The following ACSF3 variants were observed in gnomAD, a reference collection of about 807,000 sequenced individuals.
ACSF3 encodes the protein malonate--CoA ligase ACSF3, mitochondrial.
ACSF3 carries 78 observed loss-of-function variants against 53.2 expected under a neutral mutation model. The observed-to-expected ratio is 1.47, with a 90% CI of 1.22 to 1.77. The LOEUF (loss-of-function observed/expected upper bound fraction) is 1.77, where lower values mean the gene tolerates loss of function less well. Ranked by LOEUF, ACSF3 falls within the 40% of genes most tolerant of loss-of-function variation. The pLI is 0.00. For synonymous variants in ACSF3, 414 were observed against 333.1 expected (o/e 1.24, Z -2.65); for missense variants, 937 against 771.1 (o/e 1.22, Z -2.55).
At position 89,154,912 on chromosome 16, in the gene ACSF3, T is replaced by C. The variant is rs534861834; in HGVS notation, c.*705T>C. ...GCCTCACCCCCCAGCGCAGGGACTTTCCAGGTCATCTCCACACCAGCCCCT... is the reference window on the plus strand; with the variant it reads ...GCCTCACCCCCCAGCGCAGGGACTTCCCAGGTCATCTCCACACCAGCCCCT... On this transcript the variant is annotated 3_prime_UTR_variant, in exon 11 of 11. Coordinates refer to ENST00000614302, the MANE Select transcript of ACSF3 (RefSeq NM_001243279.3). 18 of 454,056 alleles carry C rather than the reference T, an allele frequency of 4.0e-5. No homozygotes were observed. The highest frequency in any genetic ancestry group is 3.1e-4 in the Admixed American group (13 of 42,572). The allele number at this position is 454,056 out of a possible 1,614,324, so 28.1% of individuals were successfully genotyped here.
intron 8 of ACSF3, among the ~76,000 whole-genome samples, chr16:89,144,100 C>CAA (rs1912420628): frequency 6.6e-6 from 1 of 152,264 alleles, no homozygotes; most frequent in Non-Finnish European, 1.5e-5. Context: ...CAGCTGCACA[C>CAA]ACGCTCGCAG....
intron 8 of ACSF3, among the ~76,000 whole-genome samples, chr16:89,141,908 TC>T (rs35768442): frequency 6.6e-6 from 1 of 152,138 alleles, no homozygotes; most frequent in Non-Finnish European, 1.5e-5. Context: ...CTCAGAATCA[TC>T]CCCGAGACAG....
chr16:89,113,624 C>T (rs979914205), intron 5 of ACSF3: 13 of 154,768 alleles, frequency 8.4e-5, no homozygotes, highest in Non-Finnish European at 1.3e-4. Context: ...GTGGTGCCTC[C>T]TCGTAAAGCA....
intron 7 of ACSF3, among the ~76,000 whole-genome samples, chr16:89,132,745 G>A (rs1213354071): frequency 6.6e-6 from 1 of 152,244 alleles, no homozygotes; most frequent in Non-Finnish European, 1.5e-5. Flanking sequence ...CCCCGAAGAT[G>A]GGATTTGGGC....
intron 8 of ACSF3, among the ~76,000 whole-genome samples, chr16:89,137,569 G>A (rs900647474): frequency 6.3e-5 from 9 of 143,322 alleles, no homozygotes; most frequent in Non-Finnish European, 1.2e-4. Context: ...GGTCTCGGGA[G>A]GACCACCAGG....
In ACSF3 at chr16:89,120,899, G is replaced by A. The variant is rs754865511; in HGVS notation, c.1225G>A (p.Glu409Lys). 3.1e-6 allele frequency: 5 copies of A among 1,613,890 alleles called. No individual in the cohort carries two copies. The highest frequency in any genetic ancestry group is 3.3e-5 in the Admixed American group (2 of 60,034). Residue 409 changes from glutamate to lysine, a missense_variant, in exon 7 of 11, where the codon GAG (glutamate) becomes AAG (lysine). By Grantham distance (56) the Glu-to-Lys change is moderately conservative (BLOSUM62 1). Transcript: ENST00000614302. ...CSYTIHAEGD[E>K]RGTKVTPGFE... ...CTACACCATCCACGCAGAGGGAGAC[G>A]AGAGGGGGACCAAGGTAAGCCACTC...
chr16:89,103,721 G>T (rs1031293125), intron 4 of ACSF3, among the ~76,000 whole-genome samples: 1 of 152,218 alleles, frequency 6.6e-6, no homozygotes, highest in Non-Finnish European at 1.5e-5. Context: ...GCTGCGGAGG[G>T]TTACTTTGGA....
intron 10 of ACSF3, chr16:89,148,429 C>T (rs569226804): frequency 1.1e-4 from 17 of 152,306 alleles, no homozygotes; most frequent in Non-Finnish European, 2.2e-4. Context: ...AAAATAATCT[C>T]CTAAGACCCA....
At chr16:89,116,323 C>T (rs1285816837) in intron 6 of ACSF3, among the ~76,000 whole-genome samples, 2 of 152,148 alleles carry the variant, frequency 1.3e-5, no homozygotes, top group African/African-American at 4.8e-5. Flanking sequence ...TCCATGCCTG[C>T]TTGGTTCCTG....
intron 3 of ACSF3, 50 bp from the exon 4 acceptor site, chr16:89,102,554 G>C: frequency 6.2e-7 from 1 of 1,608,108 alleles, no homozygotes; most frequent in East Asian, 2.2e-5. Context: ...GTGTGCTGTT[G>C]CGGGCCACAG....
At chr16:89,097,564 A>C (rs948784641) in intron 1 of ACSF3, among the ~76,000 whole-genome samples, 2 of 152,202 alleles carry the variant, frequency 1.3e-5, no homozygotes, top group African/African-American at 4.8e-5. Flanking sequence ...CCTGTAAAGC[A>C]GTGCAGGATC....
At chr16:89,112,301 C>T (rs915223028) in intron 5 of ACSF3, 55 bp downstream of exon 5, 31 of 1,596,054 alleles carry the variant, frequency 1.9e-5, no homozygotes, top group East Asian at 4.5e-5. Flanking sequence ...TCAACAGATA[C>T]GACTTATTTC....
chr16:89,114,225 A>T, intron 5 of ACSF3, 114 bp from the exon 6 acceptor site: 1 of 1,462,018 alleles, frequency 6.8e-7, no homozygotes, highest in Non-Finnish European at 9.4e-7. Context: ...GCACTCGTGA[A>T]GGAGCTGCCA....
chr16:89,145,512 G>A, intron 9 of ACSF3, 111 bp downstream of exon 9: 1 of 1,332,050 alleles, frequency 7.5e-7, no homozygotes, highest in Non-Finnish European at 1.0e-6. Context: ...GCCTGCAGGG[G>A]TCCCTGTGAT....
chr16:89,108,632 GC>G (rs1242234604), intron 4 of ACSF3, among the ~76,000 whole-genome samples: 4 of 152,306 alleles, frequency 2.6e-5, no homozygotes, highest in Non-Finnish European at 5.9e-5. Context: ...TGCAAATGGG[GC>G]GTGTCACACT....
intron 4 of ACSF3, among the ~76,000 whole-genome samples, chr16:89,103,284 A>G (rs1008744575): frequency 6.6e-6 from 1 of 152,234 alleles, no homozygotes; most frequent in Non-Finnish European, 1.5e-5. Context: ...GTTTAAAATA[A>G]TGCGAGTTTG....
intron 4 of ACSF3, among the ~76,000 whole-genome samples, chr16:89,108,000 A>G (rs1216669842): frequency 6.6e-6 from 1 of 152,256 alleles, no homozygotes; most frequent in African/African-American, 2.4e-5. Context: ...GGTGGGAGGC[A>G]AAAGGCACTT....
At chr16:89,131,123 TTTTC>T (rs201994989) in intron 7 of ACSF3, among the ~76,000 whole-genome samples, 3,707 of 127,408 alleles carry the variant, frequency 0.029, 134 homozygotes, top group East Asian at 0.22. Flanking sequence ...TTCTTTTTCT[TTTTC>T]TTTTTTTTTT....
chr16:89,127,087 A>AT (rs921981168), intron 7 of ACSF3, among the ~76,000 whole-genome samples: 13 of 152,030 alleles, frequency 8.6e-5, no homozygotes, highest in African/African-American at 2.7e-4. Flanking sequence ...CTGGTGGGTC[A>AT]TTTTTTTATA....
Sources: allele counts gnomAD v4.1 joint callset (sites outside exome capture counted in the v4.1 genomes callset), GRCh38; gene constraint gnomAD v4.1.1; transcripts MANE v1.5; gene names NCBI Gene and HGNC (gene_info 2026-07-23, HGNC 2026-07-21).